The following DPP10 variants were observed in gnomAD, a reference collection of about 807,000 sequenced individuals.
The protein encoded by DPP10 is inactive dipeptidyl peptidase 10.
DPP10 carries 33 observed loss-of-function variants against 120.9 expected under a neutral mutation model. The ratio of observed to expected loss-of-function variants is 0.27; its 90% CI spans 0.21 to 0.37. The LOEUF (loss-of-function observed/expected upper bound fraction) is 0.37. Among genes scored for constraint, DPP10 ranks in the 10% least tolerant of loss-of-function variants. The probability of loss-of-function intolerance (pLI) is 1.00; values close to 1 mark genes in which losing one functional copy is unlikely to be tolerated. For synonymous variants in DPP10, 337 were observed against 326.1 expected (o/e 1.03, Z -0.36); for missense variants, 816 against 942.8 (o/e 0.87, Z 1.76).
intron 1 of DPP10, among the ~76,000 whole-genome samples, chr2:115,052,967 A>AG (rs1463279646): frequency 6.6e-6 from 1 of 151,430 alleles, no homozygotes; most frequent in Non-Finnish European, 1.5e-5. Flanking sequence ...AAAAAAAAAA[A>AG]AGGAAAATAT....
At chr2:114,942,749 G>A (rs1408206512) in intron 1 of DPP10, among the ~76,000 whole-genome samples, 3 of 151,872 alleles carry the variant, frequency 2.0e-5, no homozygotes, top group African/African-American at 7.3e-5. Context: ...ACCTTGCTCA[G>A]TGTAACAGAA....
In DPP10 at chr2:114,569,726, TAA is replaced by T. The variant is rs201012895; in HGVS notation, c.60+126890_60+126891del. Among the ~76,000 whole-genome samples, 899 of 152,232 alleles carry T rather than the reference TAA, an allele frequency of 5.9e-3. 7 individuals carry two copies. Among genetic ancestry groups the T allele is most frequent in the African/African-American group, 0.02 (850 of 41,524 alleles). ...GCAGGATAAAGAAGTGGGAAAATGGTAAAGAGTCCTGCATGAGAAACAAAGAA... is the reference window on the plus strand; with the variant it reads ...GCAGGATAAAGAAGTGGGAAAATGGTAGAGTCCTGCATGAGAAACAAAGAA... On this transcript the variant is annotated intron_variant, in intron 1 of 25. Coordinates refer to ENST00000410059, the MANE Select transcript of DPP10 (RefSeq NM_020868.6).
At chr2:115,382,480 C>T (rs1271474889) in intron 3 of DPP10, among the ~76,000 whole-genome samples, 1 of 152,184 alleles carries the variant, frequency 6.6e-6, no homozygotes, top group African/African-American at 2.4e-5. Context: ...TTGAGATGAA[C>T]CTGGTACCTC....
intron 5 of DPP10, among the ~76,000 whole-genome samples, chr2:115,689,190 G>A (rs532154356): frequency 1.3e-5 from 2 of 152,186 alleles, no homozygotes; most frequent in South Asian, 2.1e-4. Flanking sequence ...AGCTCCATAC[G>A]GGGGCTTTAT....
intron 1 of DPP10, among the ~76,000 whole-genome samples, chr2:115,215,708 T>C (rs907519411): frequency 2.0e-5 from 3 of 152,182 alleles, no homozygotes; most frequent in Non-Finnish European, 4.4e-5. Flanking sequence ...GCAGATTTTT[T>C]CAAATAACCA....
At chr2:114,660,551 G>C (rs1697323326) in intron 1 of DPP10, among the ~76,000 whole-genome samples, 1 of 152,186 alleles carries the variant, frequency 6.6e-6, no homozygotes, top group Non-Finnish European at 1.5e-5. Context: ...AAAGGGCTTA[G>C]AAACAATAGA....
At chr2:115,812,936 CA>C (rs1262129524) in intron 19 of DPP10, among the ~76,000 whole-genome samples, 4 of 150,698 alleles carry the variant, frequency 2.7e-5, no homozygotes, top group Non-Finnish European at 5.9e-5. Flanking sequence ...CTAGGACCAC[CA>C]TAACTAAATA....
chr2:114,796,114 A>G (rs1001467998), intron 1 of DPP10, among the ~76,000 whole-genome samples: 1 of 152,192 alleles, frequency 6.6e-6, no homozygotes, highest in African/African-American at 2.4e-5. Flanking sequence ...ATTGCCTAGT[A>G]CAGTAAAAAG....
At chr2:114,640,655 C>T (rs753732576) in intron 1 of DPP10, among the ~76,000 whole-genome samples, 2 of 151,948 alleles carry the variant, frequency 1.3e-5, no homozygotes, top group South Asian at 2.1e-4. Flanking sequence ...TGCTGTTCCT[C>T]GACATCATGG....
chr2:115,555,211 T>C lies in DPP10; in HGVS notation c.441+29239T>C, dbSNP rs577223095. Reference sequence around the variant, plus strand: ...CTAGAATATATTATTTCCTATTTTATATGCTCTTTCCTGGAAACTTAGAAC... The same window carrying C: ...CTAGAATATATTATTTCCTATTTTACATGCTCTTTCCTGGAAACTTAGAAC... On this transcript the variant is annotated intron_variant, in intron 5 of 25. Transcript: ENST00000410059. Among the ~76,000 whole-genome samples the C allele has an allele frequency of 7.2e-5, 11 of 152,266 alleles. No individual in the cohort carries two copies. In the East Asian group the frequency reaches 1.7e-3, roughly 24 times the overall value.
intron 1 of DPP10, among the ~76,000 whole-genome samples, chr2:114,500,967 T>G (rs973506228): frequency 2.6e-5 from 4 of 152,224 alleles, no homozygotes; most frequent in Non-Finnish European, 5.9e-5. Flanking sequence ...ACACTTTCCA[T>G]GCACTTCATA....
At chr2:115,310,665 A>C (rs1323434500) in intron 2 of DPP10, among the ~76,000 whole-genome samples, 2 of 152,186 alleles carry the variant, frequency 1.3e-5, no homozygotes, top group African/African-American at 4.8e-5. Flanking sequence ...GTACATCTGC[A>C]GTACAATGTC....
intron 1 of DPP10, among the ~76,000 whole-genome samples, chr2:115,044,009 T>C (rs1446303158): frequency 6.6e-6 from 1 of 152,206 alleles, no homozygotes; most frequent in Non-Finnish European, 1.5e-5. Flanking sequence ...GAGATAATCA[T>C]TGCCTCAAGT....
intron 1 of DPP10, among the ~76,000 whole-genome samples, chr2:114,816,121 G>A (rs979640090): frequency 1.3e-5 from 2 of 152,034 alleles, no homozygotes; most frequent in Non-Finnish European, 2.9e-5. Context: ...GCACACCAAG[G>A]GCACTGTCTC....
At chr2:115,262,605 T>G (rs1019071046) in intron 1 of DPP10, among the ~76,000 whole-genome samples, 1 of 152,150 alleles carries the variant, frequency 6.6e-6, no homozygotes, top group African/African-American at 2.4e-5. Flanking sequence ...CAATAATTGA[T>G]ATAAATAAAA....
intron 1 of DPP10, among the ~76,000 whole-genome samples, chr2:114,903,159 C>A (rs1693713182): frequency 6.6e-6 from 1 of 151,968 alleles, no homozygotes; most frequent in Non-Finnish European, 1.5e-5. Flanking sequence ...GAATAATATT[C>A]TATTGTCTGA....
At chr2:115,609,938 A>C (rs1050721365) in intron 5 of DPP10, among the ~76,000 whole-genome samples, 1 of 152,214 alleles carries the variant, frequency 6.6e-6, no homozygotes, top group African/African-American at 2.4e-5. Context: ...AGAATATCTA[A>C]AATTACAAAA....
intron 1 of DPP10, among the ~76,000 whole-genome samples, chr2:115,074,205 A>G (rs1707604133): frequency 6.6e-6 from 1 of 152,010 alleles, no homozygotes. Context: ...TTTCAGAAAT[A>G]AGGAATCTGC....
At chr2:115,423,697 T>G (rs745775443) in intron 3 of DPP10, among the ~76,000 whole-genome samples, 1 of 152,150 alleles carries the variant, frequency 6.6e-6, no homozygotes, top group Admixed American at 6.6e-5. Flanking sequence ...AAAAATATCA[T>G]AATGTCTCAA....
Sources: gnomAD v4.1 joint callset for allele counts (sites outside exome capture counted in the v4.1 genomes callset) on GRCh38, gnomAD v4.1.1 for gene constraint, MANE v1.5 for transcripts, NCBI Gene and HGNC (gene_info 2026-07-23, HGNC 2026-07-21) for gene names.